The following KLHL4 variants were observed in gnomAD, a reference collection of about 807,000 sequenced individuals.
KLHL4 encodes the protein kelch-like protein 4.
A neutral mutation model predicts 45.8 loss-of-function variants in KLHL4; 17 were observed. That is an observed-to-expected ratio of 0.37 (90% CI 0.25 to 0.56). The LOEUF (loss-of-function observed/expected upper bound fraction) is 0.56, where lower values mean the gene tolerates loss of function less well. KLHL4 is among the 20% of genes least tolerant of loss of function. The probability of loss-of-function intolerance (pLI) is 0.79; values close to 1 mark genes in which losing one functional copy is unlikely to be tolerated. For missense variants in KLHL4, 544 were observed against 544.9 expected, an observed-to-expected ratio of 1.00 and a Z score of 0.02; for synonymous variants, 224 against 189.9, an observed-to-expected ratio of 1.18 and a Z score of -1.47.
At chrX:87,665,798 A>G (rs192293656) in intron 10 of KLHL4, among the ~76,000 whole-genome samples, 128 of 111,296 alleles carry the variant, frequency 1.2e-3, no homozygotes, top group African/African-American at 3.6e-3. Context: ...GCTCTAAATA[A>G]ATTGGTGCTA....
rs941450907 is a variant in KLHL4, at chrX:87,666,498, A to G, written c.2121A>G (p.Arg707=). ...AGGAAGTTCCTGTTAACATTGGAAG[A>G]GCTGGTGCATGTGTTGTAGTGGTGA... ...WKEEVPVNIG[R]AGACVVVVKL... is the part of the protein sequence containing the mutation. The change falls in exon 11 of 11, where the codon AGA becomes AGG. Residue 707 remains arginine (R), a synonymous_variant. Coordinates refer to ENST00000373119, the MANE Select transcript of KLHL4 (RefSeq NM_019117.5). 8 of 1,188,963 alleles carry G rather than the reference A, an allele frequency of 6.7e-6. No individual in the cohort carries two copies. Among genetic ancestry groups the G allele is most frequent in the Non-Finnish European group, 9.1e-6 (8 of 878,977 alleles).
At chrX:87,586,911 A>AT (rs1921493353) in intron 1 of KLHL4, among the ~76,000 whole-genome samples, 1 of 109,855 alleles carries the variant, frequency 9.1e-6, no homozygotes, top group South Asian at 3.8e-4. Context: ...AAATATCCAA[A>AT]TTAATAAGAT....
intron 3 of KLHL4, among the ~76,000 whole-genome samples, chrX:87,614,929 A>T (rs777117989): frequency 1.8e-5 from 2 of 111,318 alleles, no homozygotes; most frequent in African/African-American, 6.5e-5. Flanking sequence ...TGGGAATGGG[A>T]TCTTCCAATC....
chrX:87,604,586 A>G (rs1290277114), intron 1 of KLHL4, among the ~76,000 whole-genome samples: 1 of 111,045 alleles, frequency 9.0e-6, no homozygotes, highest in Admixed American at 9.6e-5. Flanking sequence ...TGACATGACT[A>G]TTAAAGTATT....
Position 87,664,941 on chromosome X carries a change from C to T in KLHL4, c.2097+6C>T, listed in dbSNP as rs1483427784. 3.7e-6 allele frequency: 4 copies of T among 1,072,282 alleles called. No individual in the cohort carries two copies. Among genetic ancestry groups the T allele is most frequent in the Non-Finnish European group, 3.8e-6 (3 of 788,338 alleles). 88.4% of individuals were successfully genotyped at this position (1,072,282 alleles called of 1,213,427 possible). On this transcript the variant is annotated splice_donor_region_variant and intron_variant, in intron 10 of 10. Transcript: ENST00000373119. ...AGAGAAATGAATGGAAAGAGGTATT[C>T]GAATTAAAATATTCAAATTACTATA...
intron 1 of KLHL4, among the ~76,000 whole-genome samples, chrX:87,610,941 G>T (rs1166075358): frequency 4.5e-5 from 5 of 110,457 alleles, no homozygotes; most frequent in African/African-American, 1.7e-4. Flanking sequence ...AGGTGTGGTG[G>T]TGCACGTCCG....
intron 1 of KLHL4, among the ~76,000 whole-genome samples, chrX:87,537,612 C>G (rs944716551): frequency 1.4e-4 from 15 of 110,721 alleles, no homozygotes; most frequent in Non-Finnish European, 2.8e-4. Flanking sequence ...GTATAACTAA[C>G]TAAATATATT....
At chrX:87,622,959 T>G (rs11796630) in intron 5 of KLHL4, among the ~76,000 whole-genome samples, 20,779 of 111,399 alleles carry the variant, frequency 0.19, 1,438 homozygotes, top group Non-Finnish European at 0.21. Context: ...TTGAATAAGA[T>G]CCAGGGTTAA....
At chrX:87,618,761 A>C (rs185116858) in intron 4 of KLHL4, among the ~76,000 whole-genome samples, 161 of 111,621 alleles carry the variant, frequency 1.4e-3, no homozygotes, top group African/African-American at 4.8e-3. Context: ...AGCCTCCCAA[A>C]GTGCTGGGAT....
Position 87,669,612 on chromosome X carries a change from A to AAGGTCATG in KLHL4, c.*3080_*3087dup, listed in dbSNP as rs1924498731. 2.9e-6 allele frequency: 1 copy of AAGGTCATG among 344,546 alleles called. No individual in the cohort carries two copies. 28.4% of individuals were successfully genotyped at this position (344,546 alleles called of 1,213,427 possible). A position where few individuals can be genotyped will look rare whatever the true frequency, so the allele number is the denominator to read the frequency against. ...TAGTCTAGGTAAAGAAAAAAAAAAAAAGGTCATGAAACACAAATGTCCTCA... is the reference window on the plus strand; with the variant it reads ...TAGTCTAGGTAAAGAAAAAAAAAAAAAGGTCATGAGGTCATGAAACACAAATGTCCTCA... On this transcript the variant is annotated 3_prime_UTR_variant, in exon 11 of 11. Coordinates refer to ENST00000373119, the MANE Select transcript of KLHL4 (RefSeq NM_019117.5).
At chrX:87,579,050 G>A (rs1425394762) in intron 1 of KLHL4, among the ~76,000 whole-genome samples, 1 of 111,328 alleles carries the variant, frequency 9.0e-6, no homozygotes, top group Non-Finnish European at 1.9e-5. Flanking sequence ...AAGAAATAAG[G>A]AAAAGGGACA....
intron 1 of KLHL4, among the ~76,000 whole-genome samples, chrX:87,528,706 C>CA (rs1160857135): frequency 0.015 from 457 of 31,489 alleles, 61 homozygotes; most frequent in Non-Finnish European, 0.019. Context: ...CAAAGCGAGA[C>CA]AAAAAAAAAA....
chrX:87,559,279 A>G (rs923419236), intron 1 of KLHL4, among the ~76,000 whole-genome samples: 1 of 112,012 alleles, frequency 8.9e-6, no homozygotes, highest in Admixed American at 9.5e-5. Context: ...GAGTGACTGG[A>G]TTTGGCCCAC....
chrX:87,637,011 G>A (rs1569359011), intron 9 of KLHL4, among the ~76,000 whole-genome samples: 1 of 111,621 alleles, frequency 9.0e-6, no homozygotes, highest in East Asian at 2.8e-4. Flanking sequence ...GCTCTTGAAT[G>A]TGCCACCTCC....
intron 9 of KLHL4, among the ~76,000 whole-genome samples, chrX:87,642,047 C>T (rs1381958420): frequency 3.6e-5 from 4 of 110,402 alleles, no homozygotes; most frequent in African/African-American, 9.9e-5. Flanking sequence ...ATAGCTGATG[C>T]TTTCTGGAAA....
chrX:87,630,959 C>G (rs1440973796), intron 6 of KLHL4, among the ~76,000 whole-genome samples: 2 of 111,144 alleles, frequency 1.8e-5, no homozygotes, highest in Non-Finnish European at 3.8e-5. Flanking sequence ...GAATAGCTCT[C>G]CGCTACAGAG....
intron 9 of KLHL4, among the ~76,000 whole-genome samples, chrX:87,642,071 G>T (rs1049059834): frequency 9.0e-6 from 1 of 110,844 alleles, no homozygotes; most frequent in Non-Finnish European, 1.9e-5. Flanking sequence ...CCACCTCCTG[G>T]CAGGAGGCCA....
At chrX:87,651,948 T>G (rs956227724) in intron 9 of KLHL4, among the ~76,000 whole-genome samples, 3 of 112,633 alleles carry the variant, frequency 2.7e-5, no homozygotes, top group African/African-American at 9.7e-5. Context: ...GCCCTATTCC[T>G]GCAACAAACT....
intron 1 of KLHL4, among the ~76,000 whole-genome samples, chrX:87,533,190 C>T (rs887884456): frequency 2.5e-4 from 27 of 110,169 alleles, no homozygotes; most frequent in African/African-American, 8.6e-4. Flanking sequence ...TTGATCCAGT[C>T]ATGCCATTAC....
Sources: gnomAD v4.1 joint callset for allele counts (sites outside exome capture counted in the v4.1 genomes callset) on GRCh38, gnomAD v4.1.1 for gene constraint, MANE v1.5 for transcripts, NCBI Gene and HGNC (gene_info 2026-07-23, HGNC 2026-07-21) for gene names.